GLG1: variants seen among roughly 807,000 people sequenced by gnomAD.
GLG1 encodes golgi glycoprotein 1.
In GLG1, 38 loss-of-function variants were observed where a neutral mutation model predicts 160.5. The observed-to-expected ratio is 0.24, with a 90% CI of 0.18 to 0.31. The LOEUF is 0.31. Ranked by LOEUF, GLG1 falls within the 10% of genes least tolerant of loss-of-function variation. The pLI is 1.00. For missense variants in GLG1, 1,373 were observed against 1,505.2 expected (o/e 0.91, Z 1.45); for synonymous variants, 644 against 543.4 (o/e 1.19, Z -2.57).
At chr16:74,590,655 G>A (rs182716807) in intron 1 of GLG1, among the ~76,000 whole-genome samples, 7 of 148,202 alleles carry the variant, frequency 4.7e-5, no homozygotes, top group South Asian at 2.1e-4. Context: ...TTAGCCGGGC[G>A]TGGTGACACC....
chr16:74,560,741 G>A (rs1310960899), intron 1 of GLG1, among the ~76,000 whole-genome samples: 1 of 151,896 alleles, frequency 6.6e-6, no homozygotes. Flanking sequence ...CAGCTACTTG[G>A]AGGCTGAGGC....
In GLG1 at chr16:74,467,856, AG is replaced by A; in HGVS notation, c.2437-9del. On this transcript the variant is annotated splice_polypyrimidine_tract_variant and intron_variant, in intron 17 of 25. Coordinates refer to ENST00000422840, the MANE Select transcript of GLG1 (RefSeq NM_001145667.2). Reference sequence around the variant, plus strand: ...CAAGCGGATGTCCTCCGTCTGCATGAGGGAGCCAGCATGGAAAGGTGAGCTT... The same window carrying A: ...CAAGCGGATGTCCTCCGTCTGCATGAGGAGCCAGCATGGAAAGGTGAGCTT... 6.3e-7 allele frequency: 1 copy of A among 1,593,212 alleles called. No individual in the cohort carries two copies. Among genetic ancestry groups the A allele is most frequent in the Non-Finnish European group, 8.6e-7 (1 of 1,162,938 alleles).
Position 74,528,192 on chromosome 16 carries a change from G to C in GLG1, c.471+3929C>G, listed in dbSNP as rs547297287. Among the ~76,000 whole-genome samples, 74 of 152,056 alleles carry C rather than the reference G, an allele frequency of 4.9e-4. 1 individual carries two copies. In the East Asian group the frequency reaches 8.1e-3, roughly 17 times the overall value. Reference sequence around the variant, plus strand: ...ATTTTTGTATTTTTAATAGAGACAGGATTTCACCATGTTGGCCAGGCTGGT... The same window carrying C: ...ATTTTTGTATTTTTAATAGAGACAGCATTTCACCATGTTGGCCAGGCTGGT... On this transcript the variant is annotated intron_variant, in intron 2 of 25. Coordinates refer to ENST00000422840, the MANE Select transcript of GLG1 (RefSeq NM_001145667.2).
chr16:74,465,843 G>C (rs1340556028), intron 18 of GLG1, 30 bp from the exon 19 acceptor site: 9 of 1,601,914 alleles, frequency 5.6e-6, no homozygotes, highest in Non-Finnish European at 7.7e-6. Context: ...GTCAAGTTGA[G>C]AGATGTCAGA....
Position 74,463,446 on chromosome 16 carries a change from A to G in GLG1, c.2701T>C (p.Leu901=). 1.2e-6 allele frequency: 2 copies of G among 1,613,856 alleles called. No individual in the cohort carries two copies. The highest frequency in any genetic ancestry group is 1.7e-6 in the Non-Finnish European group (2 of 1,179,684). ...FCPEADSKTM[L]QCLKQNKNSE... ...TTTTTATTTTGCTTCAAGCACTGCA[A>G]CATGGTTTTAGAATCTGCTTCCGGA... Residue 901 remains leucine (L), a synonymous_variant, in exon 20 of 26, where the codon TTG becomes CTG. Coordinates refer to ENST00000422840, the MANE Select transcript of GLG1 (RefSeq NM_001145667.2).
chr16:74,521,284 A>G (rs1179918017), intron 2 of GLG1, among the ~76,000 whole-genome samples: 1 of 152,068 alleles, frequency 6.6e-6, no homozygotes, highest in Non-Finnish European at 1.5e-5. Flanking sequence ...CAGTGAGAAA[A>G]AAGTTTTAGG....
chr16:74,553,404 T>G (rs62054180), intron 1 of GLG1, among the ~76,000 whole-genome samples: 14,686 of 151,420 alleles, frequency 0.097, 748 homozygotes, highest in African/African-American at 0.11. Context: ...GATTCTAGCT[T>G]AACAGTACAT....
chr16:74,495,862 G>T (rs551330775), intron 5 of GLG1, among the ~76,000 whole-genome samples: 1 of 152,162 alleles, frequency 6.6e-6, no homozygotes, highest in East Asian at 1.9e-4. Flanking sequence ...CATCAAGGTT[G>T]AGCATCCAGT....
rs1025721235 is a variant in GLG1, at chr16:74,451,929, C to G, written c.*1238G>C. On this transcript the variant is annotated 3_prime_UTR_variant, in exon 26 of 26. Transcript: ENST00000422840. ...TGCCTACTAGAGTGGGTACACGCAG[C>G]AAATGGACAGAAAGAAAAAAAACAG... is the stretch of plus-strand genomic sequence containing the variant. 1 of 736,764 alleles carries G rather than the reference C, an allele frequency of 1.4e-6. No individual in the cohort carries two copies. The highest frequency in any genetic ancestry group is 2.4e-6 in the Non-Finnish European group (1 of 420,172). 45.6% of individuals were successfully genotyped at this position (736,764 alleles called of 1,614,324 possible).
intron 1 of GLG1, among the ~76,000 whole-genome samples, chr16:74,547,119 T>C (rs535754755): frequency 6.6e-6 from 1 of 152,050 alleles, no homozygotes; most frequent in East Asian, 1.9e-4. Context: ...CCATAACAAA[T>C]TCCTAAACTT....
intron 23 of GLG1, 36 bp downstream of exon 23, chr16:74,459,645 AG>A: frequency 2.9e-6 from 3 of 1,051,886 alleles, no homozygotes; most frequent in Admixed American, 2.2e-5. Flanking sequence ...AAAAAAAAAA[AG>A]AAATGAAGTG....
At position 74,474,575 on chromosome 16, in the gene GLG1, C is replaced by G; in HGVS notation, c.2023G>C (p.Val675Leu). 6.3e-7 allele frequency: 1 copy of G among 1,576,306 alleles called. No homozygotes were observed. The highest frequency in any genetic ancestry group is 8.7e-7 in the Non-Finnish European group (1 of 1,145,462). Residue 675 changes from valine to leucine, a missense_variant, in exon 13 of 26, where the codon GTT (valine) becomes CTT (leucine). Transcript: ENST00000422840. ...DDLVVECRDIVGNLTELESED... is the reference protein window; with the variant it reads ...DDLVVECRDILGNLTELESED... ...GATTCTAACTCAGTGAGGTTGCCAA[C>G]TATATCTCTACACTCCACCACCAAG...
intron 1 of GLG1, among the ~76,000 whole-genome samples, chr16:74,603,090 A>AAACAACAACAAC (rs74553816): frequency 2.7e-5 from 4 of 150,142 alleles, no homozygotes; most frequent in Admixed American, 1.3e-4. Context: ...ACTTCGTCTC[A>AAACAACAACAAC]AACAACAACA....
chr16:74,573,922 T>A (rs2018912043), intron 1 of GLG1, among the ~76,000 whole-genome samples: 1 of 151,918 alleles, frequency 6.6e-6, no homozygotes, highest in African/African-American at 2.4e-5. Context: ...GCCTCCCAAG[T>A]AGCTGGGATT....
intron 1 of GLG1, among the ~76,000 whole-genome samples, chr16:74,585,982 G>C (rs550429522): frequency 6.7e-6 from 1 of 150,298 alleles, no homozygotes; most frequent in East Asian, 2.0e-4. Context: ...AGAACTGCTT[G>C]AACTCGGGAG....
intron 19 of GLG1, among the ~76,000 whole-genome samples, 189 bp downstream of exon 19, chr16:74,465,487 C>A (rs975183475): frequency 2.6e-5 from 4 of 152,172 alleles, no homozygotes; most frequent in Non-Finnish European, 4.4e-5. Flanking sequence ...GTGCTCTACT[C>A]CCAGAGTTTC....
intron 8 of GLG1, among the ~76,000 whole-genome samples, chr16:74,489,977 T>C (rs1597258301): frequency 1.3e-5 from 2 of 152,212 alleles, no homozygotes; most frequent in Admixed American, 1.3e-4. Flanking sequence ...TATCCAGTTT[T>C]TAATAAAAAT....
At chr16:74,482,962 T>C in intron 10 of GLG1, 61 bp downstream of exon 10, 1 of 877,210 alleles carries the variant, frequency 1.1e-6, no homozygotes, top group Non-Finnish European at 2.0e-6. Flanking sequence ...ATACAGGTAA[T>C]TATGACTACA....
intron 1 of GLG1, among the ~76,000 whole-genome samples, chr16:74,543,615 G>C (rs2017964999): frequency 6.6e-6 from 1 of 151,874 alleles, no homozygotes. Flanking sequence ...GTAGAAAAAA[G>C]GTATACATCA....
Sources: allele counts gnomAD v4.1 joint callset (sites outside exome capture counted in the v4.1 genomes callset), GRCh38; gene constraint gnomAD v4.1.1; transcripts MANE v1.5; gene names NCBI Gene and HGNC (gene_info 2026-07-23, HGNC 2026-07-21).